The following FERRY3 variants were observed in gnomAD, a reference collection of about 807,000 sequenced individuals.
The protein encoded by FERRY3 is protein C12orf4.
the FERRY3 span, chr12:4,489,927 C>T: frequency 1.5e-6 from 2 of 1,340,432 alleles, no homozygotes; most frequent in Admixed American, 1.9e-5. Flanking sequence ...AATAATTGCA[C>T]TTGTTAAATC....
chr12:4,493,869 G>A, the FERRY3 span, among the ~76,000 whole-genome samples: 20 of 152,138 alleles, frequency 1.3e-4, no homozygotes. Flanking sequence ...GAGGCAGGCG[G>A]ATCATCTGAG....
chr12:4,533,284 A>G, the FERRY3 span, among the ~76,000 whole-genome samples: 1 of 152,184 alleles, frequency 6.6e-6, no homozygotes, highest in African/African-American at 2.4e-5. Context: ...GCCGCCTTAA[A>G]AAACAAACAA....
chr12:4,516,429 G>C, the FERRY3 span, among the ~76,000 whole-genome samples: 1 of 152,172 alleles, frequency 6.6e-6, no homozygotes, highest in African/African-American at 2.4e-5. Flanking sequence ...GGTCTTCGCA[G>C]TACTATTCAC....
the FERRY3 span, among the ~76,000 whole-genome samples, chr12:4,508,645 T>C: frequency 6.6e-6 from 1 of 151,906 alleles, no homozygotes; most frequent in African/African-American, 2.4e-5. Context: ...CTCAGGAGGC[T>C]GAGGCACGAG....
the FERRY3 span, among the ~76,000 whole-genome samples, chr12:4,514,520 A>G: frequency 3.3e-5 from 5 of 152,294 alleles, no homozygotes; most frequent in African/African-American, 9.6e-5. Context: ...GATAGACTAG[A>G]TTAAGAAAAT....
chr12:4,514,155 T>C, the FERRY3 span, among the ~76,000 whole-genome samples: 29 of 151,782 alleles, frequency 1.9e-4, no homozygotes, highest in African/African-American at 4.6e-4. Context: ...TGCTCATCAT[T>C]ACTGGCCATC....
the FERRY3 span, among the ~76,000 whole-genome samples, chr12:4,536,713 T>C: frequency 1.3e-5 from 2 of 151,942 alleles, no homozygotes; most frequent in African/African-American, 4.8e-5. Flanking sequence ...GGGAAGAAGA[T>C]ACACAGAAAA....
At chr12:4,494,711 G>T in the FERRY3 span, among the ~76,000 whole-genome samples, 2 of 152,154 alleles carry the variant, frequency 1.3e-5, no homozygotes, top group African/African-American at 2.4e-5. Context: ...ATATCACATT[G>T]CACTGATTAC....
At chr12:4,512,483 A>T in the FERRY3 span, among the ~76,000 whole-genome samples, 1 of 152,276 alleles carries the variant, frequency 6.6e-6, no homozygotes, top group East Asian at 1.9e-4. Context: ...TTGATGCAAA[A>T]ATCCTCAATA....
chr12:4,510,522 G>A, the FERRY3 span, among the ~76,000 whole-genome samples: 2 of 145,810 alleles, frequency 1.4e-5, no homozygotes, highest in Admixed American at 6.8e-5. Context: ...TCAAAGGGAA[G>A]CCCATCAGAC....
the FERRY3 span, among the ~76,000 whole-genome samples, chr12:4,528,730 ATTTCC>A: frequency 1.3e-5 from 2 of 152,088 alleles, no homozygotes; most frequent in Non-Finnish European, 2.9e-5. Context: ...TATTAAATAC[ATTTCC>A]TTATTATTTT....
At chr12:4,538,098 G>A in the FERRY3 span, among the ~76,000 whole-genome samples, 1 of 152,032 alleles carries the variant, frequency 6.6e-6, no homozygotes, top group Non-Finnish European at 1.5e-5. Flanking sequence ...TCAACATTTA[G>A]ACTTGTGTTT....
chr12:4,534,085 C>T, the FERRY3 span: 3 of 1,449,304 alleles, frequency 2.1e-6, no homozygotes, highest in Middle Eastern at 2.3e-4. Flanking sequence ...TTCAGGATTA[C>T]CACAGCATTT....
chr12:4,517,129 A>G, the FERRY3 span: 1 of 1,600,278 alleles, frequency 6.2e-7, no homozygotes, highest in Non-Finnish European at 8.5e-7. Context: ...GACAACTTCT[A>G]ATTGCTCTTC....
At chr12:4,491,248 C>CA in the FERRY3 span, 2 of 1,606,794 alleles carry the variant, frequency 1.2e-6, no homozygotes, top group South Asian at 2.2e-5. Context: ...AAAACAGAAA[C>CA]AAAACATAAG....
chr12:4,493,778 A>C, the FERRY3 span, among the ~76,000 whole-genome samples: 5 of 152,164 alleles, frequency 3.3e-5, no homozygotes, highest in Non-Finnish European at 7.3e-5. Context: ...TGATGTACAG[A>C]GAGAACGAGG....
the FERRY3 span, among the ~76,000 whole-genome samples, chr12:4,522,856 A>G: frequency 6.6e-6 from 1 of 152,334 alleles, no homozygotes; most frequent in African/African-American, 2.4e-5. Flanking sequence ...AATAAACACA[A>G]CAACTCCAAT....
At chr12:4,529,305 T>C in the FERRY3 span, among the ~76,000 whole-genome samples, 2 of 152,186 alleles carry the variant, frequency 1.3e-5, no homozygotes, top group Admixed American at 6.5e-5. Flanking sequence ...ACTAGTGTTA[T>C]TATTTTTTTC....
At chr12:4,516,997 A>G in the FERRY3 span, 1 of 1,242,142 alleles carries the variant, frequency 8.1e-7, no homozygotes, top group East Asian at 2.8e-5. Context: ...TATGATCTTA[A>G]TACTGATCCA....
Sources: gnomAD v4.1 joint callset for allele counts (sites outside exome capture counted in the v4.1 genomes callset) on GRCh38, gnomAD v4.1.1 for gene constraint, MANE v1.5 for transcripts, NCBI Gene and HGNC (gene_info 2026-07-23, HGNC 2026-07-21) for gene names.